Variants in AP3B1 observed in about 807,000 individuals in gnomAD.
The protein encoded by AP3B1 is adaptor related protein complex 3 subunit beta 1.
A neutral mutation model predicts 132.5 loss-of-function variants in AP3B1; 61 were observed. The observed-to-expected ratio is 0.46, with a 90% CI of 0.37 to 0.57. AP3B1 has a LOEUF of 0.57. Ranked by LOEUF, AP3B1 falls within the 20% of genes least tolerant of loss-of-function variation. AP3B1 has a pLI of 0.00. For missense variants in AP3B1, 1,120 were observed against 1,289.4 expected, an observed-to-expected ratio of 0.87 and a Z score of 2.01; for synonymous variants, 388 against 438.3, an observed-to-expected ratio of 0.89 and a Z score of 1.43.
intron 22 of AP3B1, among the ~76,000 whole-genome samples, chr5:78,054,933 C>T (rs1182818992): frequency 1.3e-5 from 2 of 151,618 alleles, no homozygotes; most frequent in East Asian, 3.9e-4. Context: ...CCAGGTACCA[C>T]AAGTTGCTGA....
intron 20 of AP3B1, among the ~76,000 whole-genome samples, chr5:78,106,965 C>T (rs141739507): frequency 6.6e-6 from 1 of 151,770 alleles, no homozygotes; most frequent in Non-Finnish European, 1.5e-5. Flanking sequence ...AAAGATGTTA[C>T]CATGGAAGTA....
At chr5:78,176,194 A>G (rs1448173400) in intron 9 of AP3B1, among the ~76,000 whole-genome samples, 1 of 152,122 alleles carries the variant, frequency 6.6e-6, no homozygotes, top group African/African-American at 2.4e-5. Flanking sequence ...TCATTAAATA[A>G]CTCATTCTTC....
chr5:78,220,875 CA>C, intron 6 of AP3B1, among the ~76,000 whole-genome samples: 1 of 151,986 alleles, frequency 6.6e-6, no homozygotes, highest in African/African-American at 2.4e-5. Flanking sequence ...AGTGGGACCC[CA>C]TCTTTACAAA....
chr5:78,047,354 C>G (rs993346616), intron 22 of AP3B1, among the ~76,000 whole-genome samples: 2 of 152,180 alleles, frequency 1.3e-5, no homozygotes, highest in African/African-American at 2.4e-5. Flanking sequence ...CACATCCTCT[C>G]CAGCATCTGT....
chr5:78,208,391 T>C (rs1017357790), intron 7 of AP3B1, among the ~76,000 whole-genome samples: 1 of 152,180 alleles, frequency 6.6e-6, no homozygotes, highest in African/African-American at 2.4e-5. Context: ...GTTTTTCAGC[T>C]CTGCCCACCC....
Position 78,110,257 on chromosome 5 carries a change from CA to C in AP3B1, c.2346del (p.Glu783AsnfsTer37). ...TCACTTTCAGGTTCTGACTCTGATT[CA>C]GAATCGGAAGAACTGTCTTCTATTG... ...SSSIEDSSSD[S>X]ESESEPESES... On this transcript the variant is annotated frameshift_variant, in exon 20 of 27. Coordinates refer to ENST00000255194, the MANE Select transcript of AP3B1 (RefSeq NM_003664.5). LOFTEE classifies it high-confidence loss of function. 1 of 1,608,774 alleles carries C rather than the reference CA, an allele frequency of 6.2e-7. No individual in the cohort carries two copies. Among genetic ancestry groups the C allele is most frequent in the Non-Finnish European group, 8.5e-7 (1 of 1,176,718 alleles).
chr5:78,248,747 A>T (rs1165599838), intron 2 of AP3B1, among the ~76,000 whole-genome samples: 3 of 152,164 alleles, frequency 2.0e-5, no homozygotes, highest in African/African-American at 7.2e-5. Context: ...ATTAAAGTAA[A>T]CATGTTAGAA....
intron 21 of AP3B1, among the ~76,000 whole-genome samples, chr5:78,098,836 G>C (rs1751010511): frequency 1.3e-5 from 2 of 152,290 alleles, no homozygotes; most frequent in African/African-American, 4.8e-5. Context: ...TCTTAGTTGG[G>C]AGAAAGAGAC....
chr5:78,183,864 T>C (rs1380248677), intron 7 of AP3B1, among the ~76,000 whole-genome samples: 2 of 106,422 alleles, frequency 1.9e-5, no homozygotes, highest in South Asian at 3.0e-4. Context: ...CAAAATTCCA[T>C]CTTAAAAAAA....
At chr5:78,148,088 A>C in intron 14 of AP3B1, among the ~76,000 whole-genome samples, 1 of 152,110 alleles carries the variant, frequency 6.6e-6, no homozygotes, top group East Asian at 1.9e-4. Context: ...ACACATCAAA[A>C]GTATCTTCTG....
chr5:78,193,747 T>G (rs1253378848), intron 7 of AP3B1, among the ~76,000 whole-genome samples: 1 of 27,106 alleles, frequency 3.7e-5, no homozygotes. Context: ...TATTTTTTTA[T>G]ATATATATAT....
In AP3B1 at chr5:78,278,696, G is replaced by C. The variant is rs115129671; in HGVS notation, c.129-11101C>G. ...TTAAAACAGGGGTCCTCAACCCCCA[G>C]GCCACAGAACATTACCCATCTGTGG... On this transcript the variant is annotated intron_variant, in intron 1 of 26. Coordinates refer to ENST00000255194, the MANE Select transcript of AP3B1 (RefSeq NM_003664.5). Among the ~76,000 whole-genome samples the C allele has an allele frequency of 9.7e-3, 1,460 of 150,670 alleles. 23 individuals are homozygous for C. Among genetic ancestry groups the C allele is most frequent in the African/African-American group, 0.033 (1,350 of 40,764 alleles).
chr5:78,201,040 C>A (rs1444356909), intron 7 of AP3B1, among the ~76,000 whole-genome samples: 3 of 152,108 alleles, frequency 2.0e-5, no homozygotes, highest in African/African-American at 7.2e-5. Context: ...AATATGCGGA[C>A]ACAGTGAGAA....
rs768765338 is a variant in AP3B1, at chr5:78,136,659, A to C, written c.1650+4484T>G. On this transcript the variant is annotated intron_variant, in intron 15 of 26. Coordinates refer to ENST00000255194, the MANE Select transcript of AP3B1 (RefSeq NM_003664.5). The stretch of plus-strand genomic sequence containing the variant: ...ACCTCAAGTCTTTTTCAATATAAAG[A>C]GCAGTATCATTGTAGTATTTATTTG... 1.1e-4 allele frequency among the ~76,000 whole-genome samples: 16 copies of C among 152,180 alleles called. No homozygotes were observed. In the East Asian group the frequency reaches 3.1e-3, roughly 29 times the overall value.
intron 25 of AP3B1, among the ~76,000 whole-genome samples, chr5:78,019,214 C>T (rs1746988362): frequency 6.6e-6 from 1 of 152,092 alleles, no homozygotes; most frequent in Admixed American, 6.6e-5. Context: ...CAGAGGACCA[C>T]AGCTATTCTC....
intron 15 of AP3B1, among the ~76,000 whole-genome samples, chr5:78,139,158 AAAG>A (rs1394289431): frequency 8.5e-5 from 13 of 152,134 alleles, no homozygotes; most frequent in African/African-American, 2.4e-4. Flanking sequence ...TCACAGCTAC[AAAG>A]AAAAGAGCCA....
chr5:78,054,388 A>C (rs1370721057), intron 22 of AP3B1, among the ~76,000 whole-genome samples: 1 of 152,166 alleles, frequency 6.6e-6, no homozygotes, highest in African/African-American at 2.4e-5. Context: ...CAAGGAGGGG[A>C]AGAAGGAATA....
At chr5:78,200,820 G>T (rs1036755266) in intron 7 of AP3B1, among the ~76,000 whole-genome samples, 2 of 152,040 alleles carry the variant, frequency 1.3e-5, no homozygotes, top group African/African-American at 2.4e-5. Flanking sequence ...GTCACTGTAA[G>T]GTTTACAGCT....
chr5:78,175,089 G>C (rs910934902), intron 11 of AP3B1, among the ~76,000 whole-genome samples: 1 of 152,246 alleles, frequency 6.6e-6, no homozygotes, highest in African/African-American at 2.4e-5. Context: ...CGCAGTTTTT[G>C]GGTGAGAGTG....
Sources: allele counts gnomAD v4.1 joint callset (sites outside exome capture counted in the v4.1 genomes callset), GRCh38; gene constraint gnomAD v4.1.1; transcripts MANE v1.5; gene names NCBI Gene and HGNC (gene_info 2026-07-23, HGNC 2026-07-21).